PRPF40B: variants seen among roughly 807,000 people sequenced by gnomAD.
PRPF40B encodes the protein pre-mRNA processing factor 40B.
In PRPF40B, 56 loss-of-function variants were observed where a neutral mutation model predicts 124.5. That is an observed-to-expected ratio of 0.45 (90% confidence interval 0.36 to 0.56). The LOEUF is 0.56. Among genes scored for constraint, PRPF40B ranks in the 20% least tolerant of loss-of-function variants. The probability of loss-of-function intolerance (pLI) is 0.00; values close to 1 mark genes in which losing one functional copy is unlikely to be tolerated. For synonymous variants in PRPF40B, 443 were observed against 426.4 expected, an observed-to-expected ratio of 1.04 and a Z score of -0.48; for missense variants, 1,053 against 1,169.5, an observed-to-expected ratio of 0.90 and a Z score of 1.45.
At chr12:49,639,336 G>C (rs892651172) in intron 18 of PRPF40B, 18 of 152,156 alleles carry the variant, frequency 1.2e-4, no homozygotes, top group African/African-American at 4.1e-4. Flanking sequence ...TCCTACTGTT[G>C]GGGCTACTTG....
At position 49,635,549 on chromosome 12, in the gene PRPF40B, C is replaced by G. The variant is rs202212098; in HGVS notation, c.1275+76C>G. ...TTGTCTTTGCTTTGTTATGGACCCT[C>G]GCCATTTACTTCTCTACTTCCCCAG... On this transcript the variant is annotated intron_variant, in intron 14 of 25. Coordinates refer to ENST00000548825, the MANE Select transcript of PRPF40B (RefSeq NM_001031698.3). The surrounding 1 kb of genome is among the most constrained non-coding windows in gnomAD (Gnocchi z 4.1). The G allele has an allele frequency of 7.3e-7, 1 of 1,368,986 alleles. No individual in the cohort carries two copies. Among genetic ancestry groups the G allele is most frequent in the South Asian group, 1.3e-5 (1 of 74,368 alleles). 84.8% of individuals were successfully genotyped at this position (1,368,986 alleles called of 1,614,324 possible).
At chr12:49,634,982 C>T in intron 12 of PRPF40B, 117 bp from the exon 13 acceptor site, 1 of 1,081,028 alleles carries the variant, frequency 9.3e-7, no homozygotes, top group Non-Finnish European at 1.3e-6. Flanking sequence ...AGATCCCAGA[C>T]ATCTGTGCCC....
In PRPF40B at chr12:49,641,938, G is replaced by A; in HGVS notation, c.1798G>A (p.Ala600Thr). The change falls in exon 19 of 26, where the codon GCC (alanine) becomes ACC (threonine). Residue 600 changes from alanine to threonine, a missense_variant. Ala to Thr is a moderately conservative substitution (Grantham distance 58, BLOSUM62 0). This residue lies in a region of PRPF40B where 895 missense variants were observed against 1,052.2 expected (regional missense o/e 0.85). Transcript: ENST00000548825. Reference protein sequence around the residue: ...DRGFCVEVNTAFEDFAHVISF... With the variant: ...DRGFCVEVNTTFEDFAHVISF... ...GGGCTTCTGCGTGGAGGTGAACACG[G>A]CCTTTGAGGACTTCGCCCACGTCAT... The A allele has an allele frequency of 6.2e-7, 1 of 1,613,758 alleles. No homozygotes were observed.
chr12:49,637,686 C>G, intron 17 of PRPF40B, 47 bp from the exon 18 acceptor site: 3 of 1,505,036 alleles, frequency 2.0e-6, no homozygotes, highest in Non-Finnish European at 2.7e-6. Flanking sequence ...GCCCCCAGGC[C>G]TTGGGAAGCT....
At position 49,642,745 on chromosome 12, in the gene PRPF40B, C is replaced by T; in HGVS notation, c.2118+70C>T. Reference sequence around the variant, plus strand: ...CATTAGACCAGTTCAACAGAGACCTCAGTGGCCTCCCTCTTACCCTTAGGG... The same window carrying T: ...CATTAGACCAGTTCAACAGAGACCTTAGTGGCCTCCCTCTTACCCTTAGGG... On this transcript the variant is annotated intron_variant, in intron 21 of 25. Coordinates refer to ENST00000548825, the MANE Select transcript of PRPF40B (RefSeq NM_001031698.3). This position sits in a 1 kb window ranked among gnomAD's most constrained non-coding sequence, Gnocchi z 5.8. 6.6e-7 allele frequency: 1 copy of T among 1,525,112 alleles called. No homozygotes were observed. Among genetic ancestry groups the T allele is most frequent in the Middle Eastern group, 1.7e-4 (1 of 5,908 alleles). The allele number at this position is 1,525,112 out of a possible 1,614,324, so 94.5% of individuals were successfully genotyped here. A position where few individuals can be genotyped will look rare whatever the true frequency, so the allele number is the denominator to read the frequency against.
rs749152876 is a variant in PRPF40B, at chr12:49,635,051, G to C, written c.1002-48G>C. 1 of 1,556,176 alleles carries C rather than the reference G, an allele frequency of 6.4e-7. No homozygotes were observed. Among genetic ancestry groups the C allele is most frequent in the African/African-American group, 1.4e-5 (1 of 73,410 alleles). On this transcript the variant is annotated intron_variant, in intron 12 of 25. Transcript: ENST00000548825. The surrounding 1 kb of genome is among the most constrained non-coding windows in gnomAD (Gnocchi z 4.1). The stretch of plus-strand genomic sequence containing the variant: ...CCTCCAGTGTGGGCTGTGCAGAGTG[G>C]TTCGGGTGACTTCTCTATCCCCACC...
Position 49,631,818 on chromosome 12 carries a change from C to G in PRPF40B, c.229-42C>G, listed in dbSNP as rs752225552. The G allele has an allele frequency of 3.8e-6, 6 of 1,581,608 alleles. No homozygotes were observed. In the East Asian group the frequency reaches 1.1e-4, roughly 29 times the overall value. ...GGTACCCTGTCCCTCCTGTTCCAGCCCTTACCTTGGTGGTTGGTTTCTGTC... is the reference window on the plus strand; with the variant it reads ...GGTACCCTGTCCCTCCTGTTCCAGCGCTTACCTTGGTGGTTGGTTTCTGTC... On this transcript the variant is annotated intron_variant, in intron 3 of 25. Coordinates refer to ENST00000548825, the MANE Select transcript of PRPF40B (RefSeq NM_001031698.3). This position sits in a 1 kb window ranked among gnomAD's most constrained non-coding sequence, Gnocchi z 4.3.
chr12:49,634,662 C>G, intron 12 of PRPF40B, 60 bp downstream of exon 12: 1 of 1,598,810 alleles, frequency 6.3e-7, no homozygotes. Context: ...TAGGGACTCC[C>G]TAAAAAACCC....
chr12:49,636,057 A>T (rs1941763324), intron 15 of PRPF40B, 64 bp downstream of exon 15: 1 of 1,590,298 alleles, frequency 6.3e-7, no homozygotes, highest in Admixed American at 1.7e-5. Flanking sequence ...GGGACCCCAG[A>T]GTCTGCCTCA....
At position 49,626,577 on chromosome 12, in the gene PRPF40B, T is replaced by C. The variant is rs896854044; in HGVS notation, c.3+2984T>C. 2.0e-5 allele frequency among the ~76,000 whole-genome samples: 3 copies of C among 152,270 alleles called. No individual in the cohort carries two copies. The East Asian group carries it at 5.8e-4, about 29-fold the overall frequency. On this transcript the variant is annotated intron_variant, in intron 1 of 25. Transcript: ENST00000548825. ...AAAAGAAATGTGTTTCACTTGAGGG[T>C]AATCTAACAATTCTGTGCAAAGAGA...
In PRPF40B at chr12:49,642,974, G is replaced by A. The variant is rs1259393084; in HGVS notation, c.2163G>A (p.Arg721=). ...ACACCAAAGGCCGAAAGCATGGCAGGAAAGGCAAGAAGCACCATCACAAGC... is the reference window on the plus strand; with the variant it reads ...ACACCAAAGGCCGAAAGCATGGCAGAAAAGGCAAGAAGCACCATCACAAGC... ...HLHTKGRKHG[R]KGKKHHHKRS... The change falls in exon 22 of 26, where the codon AGG becomes AGA. Residue 721 remains arginine, a synonymous_variant. Coordinates refer to ENST00000548825, the MANE Select transcript of PRPF40B (RefSeq NM_001031698.3). This position sits in a 1 kb window ranked among gnomAD's most constrained non-coding sequence, Gnocchi z 5.8. The A allele has an allele frequency of 6.2e-7, 1 of 1,613,768 alleles. No individual in the cohort carries two copies. Among genetic ancestry groups the A allele is most frequent in the Non-Finnish European group, 8.5e-7 (1 of 1,179,876 alleles).
chr12:49,643,592 G>C lies in PRPF40B; in HGVS notation c.2381-99G>C. The C allele has an allele frequency of 2.8e-6, 4 of 1,419,428 alleles. No homozygotes were observed. The South Asian group carries it at 5.3e-5, about 19-fold the overall frequency. 87.9% of individuals were successfully genotyped at this position (1,419,428 alleles called of 1,614,324 possible). A position where few individuals can be genotyped will look rare whatever the true frequency, so the allele number is the denominator to read the frequency against. ...CTGGACTTAGACTTCCTCAGAGCAT[G>C]AGGTTCCTGCCTGTGAAGAATGAAC... On this transcript the variant is annotated intron_variant, in intron 23 of 25. Coordinates refer to ENST00000548825, the MANE Select transcript of PRPF40B (RefSeq NM_001031698.3).
intron 1 of PRPF40B, among the ~76,000 whole-genome samples, chr12:49,629,893 G>A (rs1390271887): frequency 6.6e-6 from 1 of 152,178 alleles, no homozygotes; most frequent in Non-Finnish European, 1.5e-5. Flanking sequence ...TGTAGAGGAG[G>A]GGATGGACAC....
intron 1 of PRPF40B, 149 bp downstream of exon 1, chr12:49,623,742 C>G: frequency 3.1e-6 from 2 of 638,526 alleles, no homozygotes; most frequent in South Asian, 7.6e-5. Context: ...GGAAGAGAGC[C>G]CGGGAGGGGG....
chr12:49,632,794 G>T, intron 5 of PRPF40B, 61 bp from the exon 6 acceptor site: 1 of 1,611,978 alleles, frequency 6.2e-7, no homozygotes, highest in Non-Finnish European at 8.5e-7. Context: ...GGGAGGCATA[G>T]GTGGGAATAA....
intron 16 of PRPF40B, 133 bp downstream of exon 16, chr12:49,636,982 C>T (rs1423662065): frequency 1.5e-5 from 19 of 1,295,092 alleles, no homozygotes; most frequent in Admixed American, 2.1e-5. Flanking sequence ...TCTATGAGAC[C>T]TCTCTCTGCC....
At chr12:49,640,330 G>C (rs529170402) in intron 18 of PRPF40B, 1 of 152,364 alleles carries the variant, frequency 6.6e-6, no homozygotes, top group African/African-American at 2.4e-5. Context: ...TGAAGGATGA[G>C]ATTGCGAGGG....
intron 23 of PRPF40B, 99 bp downstream of exon 23, chr12:49,643,496 G>A: frequency 1.4e-6 from 2 of 1,459,432 alleles, no homozygotes; most frequent in African/African-American, 1.4e-5. Flanking sequence ...AGACTGGATT[G>A]GGAGGGCTGC....
At position 49,631,464 on chromosome 12, in the gene PRPF40B, C is replaced by T; in HGVS notation, c.148C>T (p.Pro50Ser). The change falls in exon 3 of 26, where the codon CCA becomes TCA. Residue 50 changes from proline (P) to serine (S), a missense_variant. By Grantham distance (74) the Pro-to-Ser change is moderately conservative. This residue lies in a region of PRPF40B where 158 missense variants were observed against 117.3 expected (regional missense o/e 1.35). Coordinates refer to ENST00000548825, the MANE Select transcript of PRPF40B (RefSeq NM_001031698.3). This position sits in a 1 kb window ranked among gnomAD's most constrained non-coding sequence, Gnocchi z 4.3. ...GGGGCTACCCCCCATGAGTCAGAGA[C>T]CACCAGCTATCCCCCCCATGCCACC... ...PMGLPPMSQR[P>S]PAIPPMPPGI... 1 of 1,511,960 alleles carries T rather than the reference C, an allele frequency of 6.6e-7. No individual in the cohort carries two copies. Among genetic ancestry groups the T allele is most frequent in the Non-Finnish European group, 8.8e-7 (1 of 1,131,908 alleles). 93.7% of individuals were successfully genotyped at this position (1,511,960 alleles called of 1,614,324 possible).
Sources: gnomAD v4.1 joint callset for allele counts (sites outside exome capture counted in the v4.1 genomes callset) on GRCh38, gnomAD v4.1.1 for gene constraint, gnomAD v4.1.1 regional missense constraint, Gnocchi (gnomAD v3.1) non-coding constraint, MANE v1.5 for transcripts, NCBI Gene and HGNC (gene_info 2026-07-23, HGNC 2026-07-21) for gene names.